The following MYH7 variants were observed in gnomAD, a reference collection of about 807,000 sequenced individuals.
The protein encoded by MYH7 is myosin heavy chain 7, also known as myosin-7.
A neutral mutation model predicts 225.4 loss-of-function variants in MYH7; 129 were observed. The ratio of observed to expected loss-of-function variants is 0.57; its 90% CI spans 0.50 to 0.66. The LOEUF is 0.66. Ranked by LOEUF, MYH7 falls within the 30% of genes least tolerant of loss-of-function variation. The pLI is 0.00. For missense variants in MYH7, 1,649 were observed against 2,517.0 expected, an observed-to-expected ratio of 0.66 and a Z score of 7.38; for synonymous variants, 971 against 1,007.6, an observed-to-expected ratio of 0.96 and a Z score of 0.69.
Position 23,413,791 on chromosome 14 carries a change from G to A in MYH7, c.5758C>T (p.Leu1920=). The change falls in exon 39 of 40, where the codon CTG becomes TTG. Residue 1920 remains leucine (L), a synonymous_variant. Coordinates refer to ENST00000355349, the MANE Select transcript of MYH7 (RefSeq NM_000257.4). ...ADIAESQVNK[L]RAKSRDIGTK... ...CCAATGTCACGGCTCTTGGCCCGCAGCTTGTTGACCTGGGACTCGGCGATG... is the reference window on the plus strand; with the variant it reads ...CCAATGTCACGGCTCTTGGCCCGCAACTTGTTGACCTGGGACTCGGCGATG... The A allele has an allele frequency of 6.2e-7, 1 of 1,614,258 alleles. No homozygotes were observed. The highest frequency in any genetic ancestry group is 8.5e-7 in the Non-Finnish European group (1 of 1,180,050).
chr14:23,415,731 C>T lies in MYH7; in HGVS notation c.5055G>A (p.Leu1685=). The T allele has an allele frequency of 6.2e-7, 1 of 1,614,232 alleles. No homozygotes were observed. Among genetic ancestry groups the T allele is most frequent in the Non-Finnish European group, 8.5e-7 (1 of 1,180,048 alleles). ...GCTCCACCACGGCACGCAACTCCTC[C>T]AGCTCAGCCTGCAGCAGGTTGTTGC... ...ERRNNLLQAE[L]EELRAVVEQT... The change falls in exon 35 of 40, where the codon CTG becomes CTA. Residue 1685 remains leucine, a synonymous_variant. Transcript: ENST00000355349. This position sits in a 1 kb window ranked among gnomAD's most constrained non-coding sequence, Gnocchi z 6.3.
At chr14:23,414,475 T>C (rs1341955760) in intron 37 of MYH7, among the ~76,000 whole-genome samples, 2 of 152,102 alleles carry the variant, frequency 1.3e-5, no homozygotes, top group African/African-American at 2.4e-5. Flanking sequence ...TGGGCTGCAA[T>C]GCAGGCCAGG....
At chr14:23,417,024 G>A (rs1323127327) in intron 32 of MYH7, 32 bp from the exon 33 acceptor site, 2 of 1,614,166 alleles carry the variant, frequency 1.2e-6, no homozygotes, top group Non-Finnish European at 1.7e-6. Flanking sequence ...TCGGTTGAGG[G>A]CTGCTGAGGT....
Position 23,418,325 on chromosome 14 carries a change from C to G in MYH7, c.4054G>C (p.Glu1352Gln). 1 of 1,613,860 alleles carries G rather than the reference C, an allele frequency of 6.2e-7. No homozygotes were observed. The highest frequency in any genetic ancestry group is 8.5e-7 in the Non-Finnish European group (1 of 1,180,046). ...LLREQYEEET[E>Q]AKAELQRVLS... is the part of the protein sequence containing the mutation. Reference sequence around the variant, plus strand: ...ACGCGCTGCAGCTCGGCCTTGGCCTCCGTCTCCTCCTCGTACTGCTCCCGC... The same window carrying G: ...ACGCGCTGCAGCTCGGCCTTGGCCTGCGTCTCCTCCTCGTACTGCTCCCGC... Residue 1352 changes from glutamate (E) to glutamine (Q), a missense_variant, in exon 30 of 40, where the codon GAG becomes CAG. Around this residue, in one of 12 missense-constraint regions of MYH7, gnomAD observed 687 missense variants for 913.8 expected, o/e 0.75. Coordinates refer to ENST00000355349, the MANE Select transcript of MYH7 (RefSeq NM_000257.4).
rs368036275 is a variant in MYH7, at chr14:23,417,953, C to T, written c.4169+257G>A. 1.9e-4 allele frequency: 161 copies of T among 867,110 alleles called. No homozygotes were observed. The African/African-American group carries it at 2.4e-3, about 13-fold the overall frequency. 53.7% of individuals were successfully genotyped at this position (867,110 alleles called of 1,614,324 possible). ...TCTGCAGCCCTCCCCACTGCCTTTC[C>T]CTGCCACAGTGCCCTGCCCCAGACG... On this transcript the variant is annotated intron_variant, in intron 30 of 39. Transcript: ENST00000355349.
At position 23,427,501 on chromosome 14, in the gene MYH7, G is replaced by A. The variant is rs2138671664; in HGVS notation, c.1888+84C>T. The A allele has an allele frequency of 4.5e-6, 7 of 1,543,068 alleles. No homozygotes were observed. In the South Asian group the frequency reaches 7.0e-5, roughly 15 times the overall value. The stretch of plus-strand genomic sequence containing the variant: ...CCTTGGGGTACAACCTGACATTGAA[G>A]TGGTGGGGTGTAGCAATTGACCTGG... On this transcript the variant is annotated intron_variant, in intron 16 of 39. Coordinates refer to ENST00000355349, the MANE Select transcript of MYH7 (RefSeq NM_000257.4).
intron 16 of MYH7, 131 bp from the exon 17 acceptor site, chr14:23,427,438 A>G (rs1595085053): frequency 6.8e-7 from 1 of 1,461,952 alleles, no homozygotes; most frequent in East Asian, 2.4e-5. Context: ...TGGCTGCCTC[A>G]GTTTCTTCAC....
chr14:23,426,102 G>C (rs1415392894), intron 18 of MYH7, 21 bp from the exon 19 acceptor site: 2 of 1,613,690 alleles, frequency 1.2e-6, no homozygotes, highest in Non-Finnish European at 1.7e-6. Flanking sequence ...AAGGAAGTAG[G>C]AGGAGTCTGT....
intron 24 of MYH7, 31 bp downstream of exon 24, chr14:23,423,516 A>G (rs1892567009): frequency 2.5e-6 from 4 of 1,610,618 alleles, no homozygotes; most frequent in Non-Finnish European, 3.4e-6. Flanking sequence ...GACATGGCAT[A>G]TCTAGGCCCC....
intron 6 of MYH7, 86 bp downstream of exon 6, chr14:23,432,393 A>G (rs1440760896): frequency 1.1e-5 from 17 of 1,549,860 alleles, no homozygotes; most frequent in Middle Eastern, 1.7e-4. Flanking sequence ...GGCTGAGTCT[A>G]TGCCTCGGGG....
At position 23,417,656 on chromosome 14, in the gene MYH7, A is replaced by G. The variant is rs760638048; in HGVS notation, c.4200T>C (p.Ala1400=). The G allele has an allele frequency of 1.4e-5, 22 of 1,612,896 alleles. No individual in the cohort carries two copies. Among genetic ancestry groups the G allele is most frequent in the Non-Finnish European group, 1.8e-5 (21 of 1,180,036 alleles). ...CATTAACAGCCTCCACGGCCTCCTC[A>G]GCTTCCTGCAGCCGCTGGGCCAGCT... ...KKKLAQRLQE[A]EEAVEAVNAK... is the part of the protein sequence containing the mutation. Residue 1400 remains alanine, a synonymous_variant, in exon 31 of 40, where the codon GCT becomes GCC. Coordinates refer to ENST00000355349, the MANE Select transcript of MYH7 (RefSeq NM_000257.4).
At position 23,419,699 on chromosome 14, in the gene MYH7, G is replaced by A. The variant is rs1276995976; in HGVS notation, c.3727-90C>T. On this transcript the variant is annotated intron_variant, in intron 27 of 39. Transcript: ENST00000355349. Reference sequence around the variant, plus strand: ...GTGCAACTGAAGGAGAAAAGAAGAGGGAAGGTGTGAAAAGAAGGAGGGGAT... The same window carrying A: ...GTGCAACTGAAGGAGAAAAGAAGAGAGAAGGTGTGAAAAGAAGGAGGGGAT... 9 of 1,612,026 alleles carry A rather than the reference G, an allele frequency of 5.6e-6. No homozygotes were observed. In the Admixed American group the frequency reaches 1.5e-4, roughly 27 times the overall value.
intron 17 of MYH7, 135 bp downstream of exon 17, chr14:23,427,105 G>A (rs1203127461): frequency 2.2e-6 from 2 of 913,306 alleles, no homozygotes; most frequent in Admixed American, 1.8e-5. Flanking sequence ...AGAGAAGACA[G>A]AGTGAAAATG....
rs368129473 is a variant in MYH7, at chr14:23,433,772, T to A, written c.-8-32A>T. The A allele has an allele frequency of 3.7e-6, 6 of 1,605,774 alleles. No homozygotes were observed. Among genetic ancestry groups the A allele is most frequent in the Non-Finnish European group, 5.1e-6 (6 of 1,174,688 alleles). On this transcript the variant is annotated intron_variant, in intron 2 of 39. Transcript: ENST00000355349. The surrounding 1 kb of genome is among the most constrained non-coding windows in gnomAD (Gnocchi z 4.1). ...TGAGCAGAAGCTGGCTGCCCTCCCA[T>A]CTGCCCATTCTTCCCTTCCCTCCCT...
chr14:23,420,851 CAT>C (rs1892444409), intron 26 of MYH7, 105 bp downstream of exon 26: 1 of 847,978 alleles, frequency 1.2e-6, no homozygotes, highest in Non-Finnish European at 2.0e-6. Context: ...TCCATGGACA[CAT>C]AATCAGTTCC....
At chr14:23,428,350 C>G in intron 15 of MYH7, 150 bp downstream of exon 15, 1 of 1,334,836 alleles carries the variant, frequency 7.5e-7, no homozygotes. Context: ...CCTGGGTGCT[C>G]AGCACAACAT....
chr14:23,429,479 C>A, intron 12 of MYH7, 132 bp from the exon 13 acceptor site: 3 of 935,392 alleles, frequency 3.2e-6, no homozygotes, highest in South Asian at 1.4e-5. Context: ...AGTTTGAGAC[C>A]AACCTGGCCA....
chr14:23,424,248 C>T (rs1444097367), intron 22 of MYH7, 99 bp from the exon 23 acceptor site: 2 of 1,489,456 alleles, frequency 1.3e-6, no homozygotes, highest in African/African-American at 2.8e-5. Flanking sequence ...AGGAGGGTAA[C>T]TCTAGGATAT....
chr14:23,432,329 G>C, intron 6 of MYH7, 150 bp downstream of exon 6: 1 of 944,206 alleles, frequency 1.1e-6, no homozygotes, highest in East Asian at 2.4e-5. Flanking sequence ...CAAAGAGAGG[G>C]GTCAGGGTAA....
Sources: gnomAD v4.1 joint callset for allele counts (sites outside exome capture counted in the v4.1 genomes callset) on GRCh38, gnomAD v4.1.1 for gene constraint, gnomAD v4.1.1 regional missense constraint, Gnocchi (gnomAD v3.1) non-coding constraint, MANE v1.5 for transcripts, NCBI Gene and HGNC (gene_info 2026-07-23, HGNC 2026-07-21) for gene names.